The following ECE1 variants were observed in gnomAD, a reference collection of about 807,000 sequenced individuals.
The protein encoded by ECE1 is endothelin-converting enzyme 1.
In ECE1, 35 loss-of-function variants were observed where a neutral mutation model predicts 98.6. The ratio of observed to expected loss-of-function variants is 0.35; its 90% CI spans 0.27 to 0.47. The LOEUF (loss-of-function observed/expected upper bound fraction) is 0.47, where lower values mean the gene tolerates loss of function less well. ECE1 is among the 20% of genes least tolerant of loss of function. ECE1 has a pLI of 1.00. For synonymous variants in ECE1, 394 were observed against 407.1 expected, an observed-to-expected ratio of 0.97 and a Z score of 0.39; for missense variants, 814 against 1,025.3, an observed-to-expected ratio of 0.79 and a Z score of 2.81.
At chr1:21,253,093 G>A (rs2098214846) in intron 8 of ECE1, among the ~76,000 whole-genome samples, 1 of 151,848 alleles carries the variant, frequency 6.6e-6, no homozygotes, top group Non-Finnish European at 1.5e-5. Context: ...GTCTCGCTCT[G>A]TCACCCAAGC....
chr1:21,221,509 AC>A (rs1000326577), intron 18 of ECE1, among the ~76,000 whole-genome samples: 3 of 152,160 alleles, frequency 2.0e-5, no homozygotes, highest in African/African-American at 7.2e-5. Context: ...GAACCCTAGA[AC>A]CAGAAGGGCC....
intron 3 of ECE1, among the ~76,000 whole-genome samples, chr1:21,277,516 T>C (rs924632696): frequency 6.6e-6 from 1 of 152,094 alleles, no homozygotes; most frequent in Non-Finnish European, 1.5e-5. Flanking sequence ...TGAGGCGACA[T>C]GGCAGTGGCA....
intron 1 of ECE1, among the ~76,000 whole-genome samples, chr1:21,302,282 C>T (rs1638502309): frequency 6.6e-6 from 1 of 152,208 alleles, no homozygotes; most frequent in Non-Finnish European, 1.5e-5. Flanking sequence ...GGCCCCACAC[C>T]AAGCCCCTTG....
chr1:21,256,180 A>T (rs751488536), intron 7 of ECE1, 42 bp from the exon 8 acceptor site: 1 of 1,566,546 alleles, frequency 6.4e-7, no homozygotes, highest in Admixed American at 1.7e-5. Flanking sequence ...CTGCCCCCCC[A>T]CTATCCACTG....
chr1:21,343,077 G>C (rs912661991), intron 1 of ECE1, among the ~76,000 whole-genome samples: 6 of 151,968 alleles, frequency 3.9e-5, no homozygotes, highest in Admixed American at 2.6e-4. Flanking sequence ...TCCCCCTCCC[G>C]GGACACCCCT....
chr1:21,259,022 T>C (rs1374831665), intron 5 of ECE1, among the ~76,000 whole-genome samples, 183 bp from the exon 6 acceptor site: 1 of 152,066 alleles, frequency 6.6e-6, no homozygotes, highest in African/African-American at 2.4e-5. Flanking sequence ...TGGAGACCCA[T>C]GGATGGAGCA....
At chr1:21,303,742 A>G (rs527566297) in intron 1 of ECE1, among the ~76,000 whole-genome samples, 5 of 152,176 alleles carry the variant, frequency 3.3e-5, no homozygotes, top group African/African-American at 1.2e-4. Flanking sequence ...TCCGACTCCT[A>G]GGCTCAAGCA....
At chr1:21,330,928 T>C (rs1185947491) in intron 1 of ECE1, among the ~76,000 whole-genome samples, 1 of 152,210 alleles carries the variant, frequency 6.6e-6, no homozygotes, top group Admixed American at 6.5e-5. Flanking sequence ...TCCATGAGAC[T>C]GGCTGATCAT....
rs190233511 is a variant in ECE1, at chr1:21,341,705, G to A, written c.3+3671C>T. 2.7e-3 allele frequency among the ~76,000 whole-genome samples: 409 copies of A among 152,362 alleles called. 1 individual carries two copies. The highest frequency in any genetic ancestry group is 9.2e-3 in the African/African-American group (381 of 41,584). ...GCACAGGCTGCCCAGGGTGAAGTAC[G>A]CACTGTGCTCTGGGAGCCCCATCTG... On this transcript the variant is annotated intron_variant, in intron 1 of 18. Transcript: ENST00000415912.
intron 1 of ECE1, among the ~76,000 whole-genome samples, chr1:21,320,730 G>A (rs71636972): frequency 0.073 from 11,099 of 152,296 alleles, 547 homozygotes; most frequent in Middle Eastern, 0.14. Context: ...AGCTCCTATA[G>A]GGGCCGCAGC....
At chr1:21,315,909 G>A (rs1638821962) in intron 1 of ECE1, among the ~76,000 whole-genome samples, 1 of 152,054 alleles carries the variant, frequency 6.6e-6, no homozygotes, top group Non-Finnish European at 1.5e-5. Context: ...GCTGGTTCTG[G>A]AGTCAGTCAA....
chr1:21,259,424 C>T (rs965717586), intron 5 of ECE1, among the ~76,000 whole-genome samples: 5 of 152,100 alleles, frequency 3.3e-5, no homozygotes, highest in African/African-American at 7.2e-5. Flanking sequence ...TGTATCACCA[C>T]ACCTGGCTAA....
At position 21,258,599 on chromosome 1, in the gene ECE1, G is replaced by C; in HGVS notation, c.762+94C>G. ...ACTAGAAGACCGCCGTCCCACCCAG[G>C]GCAAGCCCCTCTCCCACCCCAGGTC... On this transcript the variant is annotated intron_variant, in intron 6 of 18. Transcript: ENST00000374893. This position sits in a 1 kb window ranked among gnomAD's most constrained non-coding sequence, Gnocchi z 4.2. The C allele has an allele frequency of 3.8e-6, 5 of 1,327,332 alleles. No individual in the cohort carries two copies. Among genetic ancestry groups the C allele is most frequent in the Non-Finnish European group, 5.2e-6 (5 of 952,818 alleles). The allele number at this position is 1,327,332 out of a possible 1,614,324, so 82.2% of individuals were successfully genotyped here.
intron 2 of ECE1, among the ~76,000 whole-genome samples, chr1:21,284,698 T>C (rs2098258624): frequency 6.6e-6 from 1 of 152,138 alleles, no homozygotes; most frequent in Non-Finnish European, 1.5e-5. Flanking sequence ...CAGGTGAGGA[T>C]GGGGCCTGCT....
upstream of ECE1, among the ~76,000 whole-genome samples, chr1:21,293,056 T>G (rs905130923): frequency 2.6e-5 from 4 of 152,326 alleles, no homozygotes; most frequent in African/African-American, 7.2e-5. Context: ...CCGGGGCATG[T>G]GGGTGGTGTA....
rs1171208071 is a variant in ECE1 at position 21,260,688 on chromosome 1, G to A, written c.494-296C>T. ...ACGTGTCCCCGGGTTGACCGCACGT[G>A]CCCACCAGCAGGACAGTGTTCTTCC... is the stretch of plus-strand genomic sequence containing the variant. On this transcript the variant is annotated intron_variant, in intron 4 of 18. Coordinates refer to ENST00000374893, the MANE Select transcript of ECE1 (RefSeq NM_001397.3). This position sits in a 1 kb window ranked among gnomAD's most constrained non-coding sequence, Gnocchi z 4.3. Among the ~76,000 whole-genome samples, 2 of 152,180 alleles carry A rather than the reference G, an allele frequency of 1.3e-5. No individual in the cohort carries two copies. The highest frequency in any genetic ancestry group is 4.8e-5 in the African/African-American group (2 of 41,442).
At chr1:21,283,656 G>A (rs1181329491) in intron 2 of ECE1, among the ~76,000 whole-genome samples, 1 of 152,194 alleles carries the variant, frequency 6.6e-6, no homozygotes, top group Non-Finnish European at 1.5e-5. Context: ...AAGGAGAGAG[G>A]AGAGAGAACA....
At chr1:21,238,344 C>A in intron 10 of ECE1, 100 bp from the exon 11 acceptor site, 1 of 971,338 alleles carries the variant, frequency 1.0e-6, no homozygotes, top group Non-Finnish European at 1.6e-6. Flanking sequence ...ATGCTTTGTT[C>A]TGGAAGTTCA....
chr1:21,290,028 C>T lies in ECE1; in HGVS notation c.138+42G>A, dbSNP rs377561253. 1.5e-6 allele frequency: 2 copies of T among 1,306,274 alleles called. No homozygotes were observed. The highest frequency in any genetic ancestry group is 2.0e-6 in the Non-Finnish European group (2 of 1,014,956). The allele number at this position is 1,306,274 out of a possible 1,614,324, so 80.9% of individuals were successfully genotyped here. ...GGCAGCGGCAGCGCGCATGCCCGGG[C>T]CCGGGGCGCCTGGACCTCGGGAGGG... On this transcript the variant is annotated intron_variant, in intron 2 of 18. Coordinates refer to ENST00000374893, the MANE Select transcript of ECE1 (RefSeq NM_001397.3). This position sits in a 1 kb window ranked among gnomAD's most constrained non-coding sequence, Gnocchi z 7.3.
Sources: allele counts gnomAD v4.1 joint callset (sites outside exome capture counted in the v4.1 genomes callset), GRCh38; gene constraint gnomAD v4.1.1; non-coding constraint Gnocchi (gnomAD v3.1); transcripts MANE v1.5; gene names NCBI Gene and HGNC (gene_info 2026-07-23, HGNC 2026-07-21).